The following B3GALT1 variants were observed in gnomAD, a reference collection of about 807,000 sequenced individuals.
B3GALT1 encodes the protein UDP-Gal:betaGlcNAc beta 1,3-galactosyltransferase, polypeptide 1.
Under a neutral mutation model 23.2 loss-of-function variants are expected in B3GALT1, and 10 were observed. That is an observed-to-expected ratio of 0.43 (90% CI 0.27 to 0.73). The LOEUF (loss-of-function observed/expected upper bound fraction) is 0.73, where lower values mean the gene tolerates loss of function less well. B3GALT1 is among the 30% of genes least tolerant of loss of function. B3GALT1 has a pLI of 0.21. For missense variants in B3GALT1, 299 were observed against 405.4 expected (o/e 0.74, Z 2.25); for synonymous variants, 156 against 141.5 (o/e 1.10, Z -0.73).
intron 3 of B3GALT1, among the ~76,000 whole-genome samples, chr2:167,733,285 C>T (rs1326826308): frequency 6.6e-6 from 1 of 152,086 alleles, no homozygotes; most frequent in Admixed American, 6.6e-5. Flanking sequence ...TGATACCTAC[C>T]TTGTGATGCC....
chr2:167,543,609 A>G (rs1362607638), intron 2 of B3GALT1, among the ~76,000 whole-genome samples: 1 of 152,184 alleles, frequency 6.6e-6, no homozygotes, highest in Non-Finnish European at 1.5e-5. Flanking sequence ...ATGTAACTGG[A>G]AGGTTATTTA....
At chr2:167,758,659 C>T (rs10930283) in intron 3 of B3GALT1, among the ~76,000 whole-genome samples, 76,194 of 151,938 alleles carry the variant, frequency 0.5, 20,502 homozygotes, top group African/African-American at 0.71. Flanking sequence ...TGGCCTGTTT[C>T]GTGCATTTTT....
At chr2:167,651,819 A>G (rs1236526397) in intron 3 of B3GALT1, among the ~76,000 whole-genome samples, 1 of 152,140 alleles carries the variant, frequency 6.6e-6, no homozygotes, top group Non-Finnish European at 1.5e-5. Flanking sequence ...ACGACCCTAG[A>G]GTTCTGCTCC....
chr2:167,857,866 C>T (rs2105426537), intron 4 of B3GALT1, among the ~76,000 whole-genome samples: 1 of 152,136 alleles, frequency 6.6e-6, no homozygotes, highest in South Asian at 2.1e-4. Flanking sequence ...ATTGCTAAGT[C>T]CCTCCATTAA....
At chr2:167,827,059 T>C (rs909977894) in intron 4 of B3GALT1, among the ~76,000 whole-genome samples, 3 of 152,186 alleles carry the variant, frequency 2.0e-5, no homozygotes, top group Non-Finnish European at 2.9e-5. Flanking sequence ...ACAATCATGC[T>C]TCCTGTTCAG....
intron 1 of B3GALT1, among the ~76,000 whole-genome samples, chr2:167,343,605 T>A (rs577608578): frequency 1.3e-5 from 2 of 152,268 alleles, no homozygotes; most frequent in Admixed American, 1.3e-4. Context: ...GATACTCTGC[T>A]CTTAACCTGT....
At chr2:167,359,398 C>G (rs1021505234) in intron 1 of B3GALT1, among the ~76,000 whole-genome samples, 2 of 152,144 alleles carry the variant, frequency 1.3e-5, no homozygotes, top group Non-Finnish European at 2.9e-5. Flanking sequence ...CTGCCATTAC[C>G]CACAACTGCA....
chr2:167,670,447 G>T (rs1233584203), intron 3 of B3GALT1, among the ~76,000 whole-genome samples: 1 of 152,180 alleles, frequency 6.6e-6, no homozygotes, highest in African/African-American at 2.4e-5. Flanking sequence ...AGAGGTGACT[G>T]CGTCTTTAAA....
intron 1 of B3GALT1, among the ~76,000 whole-genome samples, chr2:167,353,634 T>C (rs1426663881): frequency 2.0e-5 from 3 of 152,188 alleles, no homozygotes; most frequent in Non-Finnish European, 2.9e-5. Context: ...CTTTTTATTA[T>C]GTAGTTTGTA....
At chr2:167,415,818 CTG>C (rs1354559060) in intron 1 of B3GALT1, among the ~76,000 whole-genome samples, 1 of 152,162 alleles carries the variant, frequency 6.6e-6, no homozygotes, top group Non-Finnish European at 1.5e-5. Context: ...TGCATTGTGT[CTG>C]TGCCTTAGTT....
chr2:167,455,822 C>T, intron 1 of B3GALT1, among the ~76,000 whole-genome samples: 1 of 152,122 alleles, frequency 6.6e-6, no homozygotes, highest in East Asian at 1.9e-4. Context: ...TGGATCTCTC[C>T]ATTATTTTTA....
At chr2:167,405,017 C>T (rs1698251503) in intron 1 of B3GALT1, among the ~76,000 whole-genome samples, 1 of 152,140 alleles carries the variant, frequency 6.6e-6, no homozygotes, top group Non-Finnish European at 1.5e-5. Context: ...ATTTTATCCC[C>T]ACCATTACTG....
chr2:167,714,174 C>G (rs115227666), intron 3 of B3GALT1: 81,259 of 1,516,982 alleles, frequency 0.054, 2,871 homozygotes, highest in South Asian at 0.13. Flanking sequence ...GACAGTCTAT[C>G]AGAATTAGAA....
chr2:167,324,373 CATT>C (rs1341893598), intron 1 of B3GALT1, among the ~76,000 whole-genome samples: 3 of 151,936 alleles, frequency 2.0e-5, no homozygotes, highest in African/African-American at 7.3e-5. Flanking sequence ...TAGTTCATGA[CATT>C]AGTTCATAGT....
intron 2 of B3GALT1, among the ~76,000 whole-genome samples, chr2:167,600,776 T>C (rs1320178403): frequency 6.6e-6 from 1 of 152,230 alleles, no homozygotes; most frequent in African/African-American, 2.4e-5. Context: ...GGATATATCA[T>C]ATTTTGTTGG....
intron 3 of B3GALT1, among the ~76,000 whole-genome samples, chr2:167,665,764 C>G (rs368391878): frequency 4.6e-5 from 7 of 152,194 alleles, no homozygotes; most frequent in South Asian, 2.1e-4. Context: ...GGTGTTTGTA[C>G]TATTCTCTGA....
intron 3 of B3GALT1, among the ~76,000 whole-genome samples, chr2:167,673,025 T>A: frequency 6.9e-6 from 1 of 145,964 alleles, no homozygotes; most frequent in African/African-American, 2.7e-5. Context: ...CTAATAAAGG[T>A]GCAAAATAAA....
At chr2:167,587,971 A>C (rs984834450) in intron 2 of B3GALT1, among the ~76,000 whole-genome samples, 2 of 152,256 alleles carry the variant, frequency 1.3e-5, no homozygotes, top group Non-Finnish European at 2.9e-5. Flanking sequence ...ATGTTATATC[A>C]CACAGGCTCA....
rs192347044 is a variant in B3GALT1 at position 167,870,394 on chromosome 2, C to A, written c.*374C>A. 76 of 185,042 alleles carry A rather than the reference C, an allele frequency of 4.1e-4. No homozygotes were observed. The highest frequency in any genetic ancestry group is 1.7e-3 in the African/African-American group (70 of 42,114). 11.5% of individuals were successfully genotyped at this position (185,042 alleles called of 1,614,324 possible). A position where few individuals can be genotyped will look rare whatever the true frequency, so the allele number is the denominator to read the frequency against. On this transcript the variant is annotated 3_prime_UTR_variant, in exon 5 of 5. Transcript: ENST00000392690. Reference sequence around the variant, plus strand: ...CAAAAATTAATACACAAATAGAAACCATTTTCAAAAGCAATTCAGAAAGGA... The same window carrying A: ...CAAAAATTAATACACAAATAGAAACAATTTTCAAAAGCAATTCAGAAAGGA...
Sources: allele counts gnomAD v4.1 joint callset (sites outside exome capture counted in the v4.1 genomes callset), GRCh38; gene constraint gnomAD v4.1.1; transcripts MANE v1.5; gene names NCBI Gene and HGNC (gene_info 2026-07-23, HGNC 2026-07-21).